The following CAMSAP3 variants were observed in gnomAD, a reference collection of about 807,000 sequenced individuals.
CAMSAP3 encodes calmodulin-regulated spectrin-associated protein 3.
A neutral mutation model predicts 112.5 loss-of-function variants in CAMSAP3; 34 were observed. That is an observed-to-expected ratio of 0.30 (90% CI 0.23 to 0.40). The LOEUF (loss-of-function observed/expected upper bound fraction) is 0.40. Ranked by LOEUF, CAMSAP3 falls within the 10% of genes least tolerant of loss-of-function variation. The pLI, the probability that CAMSAP3 is intolerant of heterozygous loss-of-function variation, is 1.00. For synonymous variants in CAMSAP3, 868 were observed against 799.8 expected (o/e 1.09, Z -1.44); for missense variants, 1,602 against 1,770.3 (o/e 0.90, Z 1.71).
intron 1 of CAMSAP3, among the ~76,000 whole-genome samples, chr19:7,598,359 G>A (rs111798745): frequency 0.015 from 2,356 of 152,214 alleles, 58 homozygotes; most frequent in African/African-American, 0.054. Flanking sequence ...GGAGATAAGG[G>A]AGGCTGGTCA....
At chr19:7,603,363 T>A (rs62113417) in intron 1 of CAMSAP3, among the ~76,000 whole-genome samples, 18,276 of 152,008 alleles carry the variant, frequency 0.12, 1,194 homozygotes, top group Non-Finnish European at 0.15. Flanking sequence ...TATAGGCGTG[T>A]GCCACCATGC....
At chr19:7,604,646 C>T (rs868699406) in intron 1 of CAMSAP3, among the ~76,000 whole-genome samples, 4 of 151,892 alleles carry the variant, frequency 2.6e-5, no homozygotes, top group Admixed American at 1.3e-4. Flanking sequence ...ACTCATCCCC[C>T]CCTGCCTGCA....
rs535322161 is a variant in CAMSAP3 at position 7,614,870 on chromosome 19, C to T, written c.2671-313C>T. ...CTTCCTGGGTGTCTCCAGGCCAGGCCGGGGTCCTCCCGCAGTGTAGAGTGT... is the reference window on the plus strand; with the variant it reads ...CTTCCTGGGTGTCTCCAGGCCAGGCTGGGGTCCTCCCGCAGTGTAGAGTGT... On this transcript the variant is annotated intron_variant, in intron 11 of 16. Transcript: ENST00000160298. 4.9e-4 allele frequency: 239 copies of T among 487,196 alleles called. 4 individuals carry two copies. The South Asian group carries it at 5.1e-3, about 10-fold the overall frequency. 30.2% of individuals were successfully genotyped at this position (487,196 alleles called of 1,614,324 possible).
chr19:7,610,996 G>C lies in CAMSAP3; in HGVS notation c.1049+65G>C. 4 of 1,583,968 alleles carry C rather than the reference G, an allele frequency of 2.5e-6. No homozygotes were observed. Among genetic ancestry groups the C allele is most frequent in the Non-Finnish European group, 3.5e-6 (4 of 1,158,792 alleles). ...TGTGGGGCTCCATGTCTGCCTTGCTGAGCACTGGGACGCAGCTGGGTGATG... is the reference window on the plus strand; with the variant it reads ...TGTGGGGCTCCATGTCTGCCTTGCTCAGCACTGGGACGCAGCTGGGTGATG... On this transcript the variant is annotated intron_variant, in intron 8 of 16. Transcript: ENST00000160298. This position sits in a 1 kb window ranked among gnomAD's most constrained non-coding sequence, Gnocchi z 4.9.
intron 14 of CAMSAP3, among the ~76,000 whole-genome samples, chr19:7,616,945 T>TTG (rs1555763659): frequency 3.0e-5 from 4 of 131,586 alleles, no homozygotes; most frequent in Admixed American, 1.5e-4. Context: ...TTTTTTTTTT[T>TTG]TTTTTTTTTT....
In CAMSAP3 at chr19:7,618,212, G is replaced by C. The variant is rs1448799455; in HGVS notation, c.*155G>C. 7 of 804,778 alleles carry C rather than the reference G, an allele frequency of 8.7e-6. No homozygotes were observed. The East Asian group carries it at 1.6e-4, about 19-fold the overall frequency. 49.9% of individuals were successfully genotyped at this position (804,778 alleles called of 1,614,324 possible). A position where few individuals can be genotyped will look rare whatever the true frequency, so the allele number is the denominator to read the frequency against. On this transcript the variant is annotated 3_prime_UTR_variant, in exon 17 of 17. Coordinates refer to ENST00000160298, the MANE Select transcript of CAMSAP3 (RefSeq NM_020902.2). ...CTGACTTTGAGTCCAGTCCTGCTGT[G>C]GGGGCTGAGCTGGGAGGTTCAGGGA... is the stretch of plus-strand genomic sequence containing the variant.
intron 1 of CAMSAP3, among the ~76,000 whole-genome samples, chr19:7,601,031 GC>G (rs1396277752): frequency 6.6e-6 from 1 of 151,844 alleles, no homozygotes; most frequent in Non-Finnish European, 1.5e-5. Context: ...GTGGCCACCA[GC>G]CAGATGTGGC....
At chr19:7,609,425 T>G (rs1323672219) in intron 5 of CAMSAP3, among the ~76,000 whole-genome samples, 1 of 151,254 alleles carries the variant, frequency 6.6e-6, no homozygotes, top group Admixed American at 6.6e-5. Context: ...CCTCCCCAAG[T>G]GCTAAGATTA....
Position 7,607,116 on chromosome 19 carries a change from C to T in CAMSAP3, c.621+545C>T, listed in dbSNP as rs1339435299. 6.6e-6 allele frequency among the ~76,000 whole-genome samples: 1 copy of T among 152,084 alleles called. No individual in the cohort carries two copies. The highest frequency in any genetic ancestry group is 1.5e-5 in the Non-Finnish European group (1 of 68,008). ...GTTCCCATTAATGAAGAGGGTGGGA[C>T]CCCCTGAACCTGTCCCCCTTAGCCG... On this transcript the variant is annotated intron_variant, in intron 4 of 16. Coordinates refer to ENST00000160298, the MANE Select transcript of CAMSAP3 (RefSeq NM_020902.2). This position sits in a 1 kb window ranked among gnomAD's most constrained non-coding sequence, Gnocchi z 4.9.
chr19:7,605,492 ACTGCCTG>A lies in CAMSAP3; in HGVS notation c.402+14_402+20del, dbSNP rs2030166421. The stretch of plus-strand genomic sequence containing the variant: ...GCCCATTCTCATGGTAGGCCCCGCC[ACTGCCTG>A]TTAGACCACGCCTACCATGCTCAGC... On this transcript the variant is annotated intron_variant, in intron 2 of 16. Transcript: ENST00000160298. The A allele has an allele frequency of 2.1e-6, 3 of 1,452,756 alleles. No homozygotes were observed. Among genetic ancestry groups the A allele is most frequent in the Admixed American group, 2.6e-5 (1 of 38,196 alleles). 90.0% of individuals were successfully genotyped at this position (1,452,756 alleles called of 1,614,324 possible).
In CAMSAP3 at chr19:7,611,673, C is replaced by T. The variant is rs2030493757; in HGVS notation, c.1194-14C>T. ...GCTGGTCCCAGGGGCTGACCCCTCCCTCCGGCCGCCCAGCCGTCCCCTCTC... is the reference window on the plus strand; with the variant it reads ...GCTGGTCCCAGGGGCTGACCCCTCCTTCCGGCCGCCCAGCCGTCCCCTCTC... On this transcript the variant is annotated splice_polypyrimidine_tract_variant and intron_variant, in intron 10 of 16. Transcript: ENST00000160298. This position sits in a 1 kb window ranked among gnomAD's most constrained non-coding sequence, Gnocchi z 6.9. The T allele has an allele frequency of 1.3e-6, 2 of 1,566,222 alleles. No individual in the cohort carries two copies. Among genetic ancestry groups the T allele is most frequent in the East Asian group, 2.3e-5 (1 of 44,210 alleles).
intron 2 of CAMSAP3, 86 bp downstream of exon 2, chr19:7,605,565 A>G (rs1359524713): frequency 1.5e-6 from 2 of 1,345,678 alleles, no homozygotes; most frequent in East Asian, 5.7e-5. Flanking sequence ...GGCTCCTCCC[A>G]AGTTCCCTCT....
intron 11 of CAMSAP3, among the ~76,000 whole-genome samples, chr19:7,614,259 CAA>C (rs1173068955): frequency 1.8e-3 from 34 of 18,754 alleles, no homozygotes; most frequent in African/African-American, 3.9e-3. Flanking sequence ...GACTCCATCT[CAA>C]AAAAAAAAAA....
In CAMSAP3 at chr19:7,612,746, G is replaced by T. The variant is rs1325829294; in HGVS notation, c.2253G>T (p.Gly751=). ...AAWVIPGPTT[G]PKAASPSPAR... is the part of the protein sequence containing the mutation. The stretch of plus-strand genomic sequence containing the variant: ...GGGTCATCCCTGGCCCCACGACGGG[G>T]CCCAAAGCTGCATCCCCCAGCCCCG... The change falls in exon 11 of 17, where the codon GGG becomes GGT. Residue 751 remains glycine, a synonymous_variant. Coordinates refer to ENST00000160298, the MANE Select transcript of CAMSAP3 (RefSeq NM_020902.2). The T allele has an allele frequency of 1.3e-6, 2 of 1,532,122 alleles. No homozygotes were observed. The highest frequency in any genetic ancestry group is 1.7e-6 in the Non-Finnish European group (2 of 1,144,732). The allele number at this position is 1,532,122 out of a possible 1,614,324, so 94.9% of individuals were successfully genotyped here. A position where few individuals can be genotyped will look rare whatever the true frequency, so the allele number is the denominator to read the frequency against.
intron 14 of CAMSAP3, among the ~76,000 whole-genome samples, chr19:7,616,934 CTTT>C (rs545769780): frequency 8.4e-5 from 7 of 83,032 alleles, no homozygotes; most frequent in Admixed American, 1.6e-4. Flanking sequence ...TGTGGCCCGC[CTTT>C]TTTTTTTTTT....
chr19:7,611,809 G>A lies in CAMSAP3; in HGVS notation c.1316G>A (p.Arg439His), dbSNP rs780550579. 37 of 1,594,216 alleles carry A rather than the reference G, an allele frequency of 2.3e-5. No homozygotes were observed. Among genetic ancestry groups the A allele is most frequent in the Non-Finnish European group, 2.9e-5 (34 of 1,171,068 alleles). ...SVSSDSLGPP[R>H]PAPARTPTQP... is the part of the protein sequence containing the mutation. Reference sequence around the variant, plus strand: ...AGCTCGGACAGCCTGGGCCCCCCGCGTCCCGCGCCGGCCAGGACCCCCACC... The same window carrying A: ...AGCTCGGACAGCCTGGGCCCCCCGCATCCCGCGCCGGCCAGGACCCCCACC... The change falls in exon 11 of 17, where the codon CGT becomes CAT. Residue 439 changes from arginine to histidine, a missense_variant. Coordinates refer to ENST00000160298, the MANE Select transcript of CAMSAP3 (RefSeq NM_020902.2). The surrounding 1 kb of genome is among the most constrained non-coding windows in gnomAD (Gnocchi z 6.9).
rs1568444306 is a variant in CAMSAP3, at chr19:7,610,739, T to C, written c.940T>C (p.Phe314Leu). ...GATGCTGGCCGAGTTGTTCATGTGT[T>C]TTGAGGTGCTCAAGCCCGACTTTGT... is the stretch of plus-strand genomic sequence containing the variant. ...VVMLAELFMC[F>L]EVLKPDFVQV... Residue 314 changes from phenylalanine to leucine, a missense_variant, in exon 7 of 17, where the codon TTT becomes CTT. By Grantham distance (22) the Phe-to-Leu change is conservative. Around this residue, in one of 6 missense-constraint regions of CAMSAP3, gnomAD observed 1,100 missense variants for 1,135.7 expected, o/e 0.97. Transcript: ENST00000160298. This position sits in a 1 kb window ranked among gnomAD's most constrained non-coding sequence, Gnocchi z 4.9. 1 of 1,614,036 alleles carries C rather than the reference T, an allele frequency of 6.2e-7. No homozygotes were observed. The highest frequency in any genetic ancestry group is 2.2e-5 in the East Asian group (1 of 44,880).
rs774768471 is a variant in CAMSAP3, at chr19:7,612,051, A to G, written c.1558A>G (p.Met520Val). 7 of 1,612,120 alleles carry G rather than the reference A, an allele frequency of 4.3e-6. No individual in the cohort carries two copies. Among genetic ancestry groups the G allele is most frequent in the Non-Finnish European group, 5.1e-6 (6 of 1,179,112 alleles). The change falls in exon 11 of 17, where the codon ATG (methionine) becomes GTG (valine). Residue 520 changes from methionine (M) to valine (V), a missense_variant. Physicochemically the swap from Met to Val is conservative, Grantham distance 21. Coordinates refer to ENST00000160298, the MANE Select transcript of CAMSAP3 (RefSeq NM_020902.2). ...SDRPTKAPVYMPHPETPSKPS... is the reference protein window; with the variant it reads ...SDRPTKAPVYVPHPETPSKPS... ...CAGGCCCACCAAAGCACCAGTGTACATGCCACACCCCGAGACCCCCTCGAA... is the reference window on the plus strand; with the variant it reads ...CAGGCCCACCAAAGCACCAGTGTACGTGCCACACCCCGAGACCCCCTCGAA...
intron 11 of CAMSAP3, among the ~76,000 whole-genome samples, chr19:7,613,910 G>T (rs1450973855): frequency 6.6e-6 from 1 of 152,080 alleles, no homozygotes; most frequent in Non-Finnish European, 1.5e-5. Context: ...GGGCCATTTT[G>T]CACTGAGTGG....
Sources: allele counts gnomAD v4.1 joint callset (sites outside exome capture counted in the v4.1 genomes callset), GRCh38; gene constraint gnomAD v4.1.1; regional missense constraint gnomAD v4.1.1; non-coding constraint Gnocchi (gnomAD v3.1); transcripts MANE v1.5; gene names NCBI Gene and HGNC (gene_info 2026-07-23, HGNC 2026-07-21).